KLHL32: variants seen among roughly 807,000 people sequenced by gnomAD.
The protein encoded by KLHL32 is kelch like family member 32, also known as kelch-like protein 32.
Under a neutral mutation model 64.8 loss-of-function variants are expected in KLHL32, and 35 were observed. The observed-to-expected ratio is 0.54, with a 90% CI of 0.41 to 0.72. The LOEUF (loss-of-function observed/expected upper bound fraction) is 0.72. KLHL32 is among the 30% of genes least tolerant of loss of function. The pLI is 0.00. For synonymous variants in KLHL32, 259 were observed against 281.0 expected (o/e 0.92, Z 0.78); for missense variants, 589 against 768.5 (o/e 0.77, Z 2.76).
chr6:96,973,730 C>CTTTTTTTTTTTTTTTTTTTTTT (rs558193523), intron 2 of KLHL32, among the ~76,000 whole-genome samples: 7 of 118,264 alleles, frequency 5.9e-5, no homozygotes, highest in Admixed American at 1.7e-4. Flanking sequence ...TACAGATTGC[C>CTTTTTTTTTTTTTTTTTTTTTT]TTTTTTTTTT....
chr6:96,909,204 G>A, the KLHL32 span, among the ~76,000 whole-genome samples: 173 of 152,278 alleles, frequency 1.1e-3, no homozygotes, highest in African/African-American at 3.9e-3. Context: ...GGTAGGGTTA[G>A]AGAATTCGGC....
chr6:96,985,836 G>A (rs1776973982), intron 3 of KLHL32, among the ~76,000 whole-genome samples: 1 of 152,056 alleles, frequency 6.6e-6, no homozygotes, highest in South Asian at 2.1e-4. Flanking sequence ...CTTTAGCTCA[G>A]AGTAGTTTGA....
chr6:96,921,033 C>A (rs2127981824), upstream of KLHL32, among the ~76,000 whole-genome samples: 1 of 152,262 alleles, frequency 6.6e-6, no homozygotes, highest in Admixed American at 6.5e-5. Context: ...TACCCATATT[C>A]TCTGTAGCAC....
chr6:97,119,315 CCT>C (rs1229532375), intron 7 of KLHL32, among the ~76,000 whole-genome samples: 1 of 152,164 alleles, frequency 6.6e-6, no homozygotes, highest in Non-Finnish European at 1.5e-5. Context: ...CTCAAAACCC[CCT>C]CTTCTCAGAC....
intron 3 of KLHL32, among the ~76,000 whole-genome samples, chr6:97,016,332 A>G (rs543041899): frequency 2.5e-4 from 38 of 152,358 alleles, no homozygotes; most frequent in African/African-American, 8.2e-4. Context: ...TGGCTGCCCA[A>G]GGCTATGGGA....
At chr6:96,992,997 C>A (rs1407608885) in intron 3 of KLHL32, among the ~76,000 whole-genome samples, 1 of 152,164 alleles carries the variant, frequency 6.6e-6, no homozygotes, top group Admixed American at 6.5e-5. Flanking sequence ...CTGACTTGTG[C>A]ACTGATTGTT....
chr6:96,930,561 C>G (rs73492844), intron 1 of KLHL32, among the ~76,000 whole-genome samples: 171 of 152,198 alleles, frequency 1.1e-3, no homozygotes, highest in African/African-American at 4.0e-3. Flanking sequence ...CCTCTGCCTC[C>G]CCTTTCCCCA....
intron 5 of KLHL32, among the ~76,000 whole-genome samples, chr6:97,075,728 A>G (rs1184098380): frequency 6.6e-6 from 1 of 152,168 alleles, no homozygotes; most frequent in Non-Finnish European, 1.5e-5. Context: ...CAGGTTAGGT[A>G]GTCACATAAT....
chr6:97,081,398 G>A (rs972346180), intron 5 of KLHL32, among the ~76,000 whole-genome samples: 3 of 152,134 alleles, frequency 2.0e-5, no homozygotes, highest in African/African-American at 7.2e-5. Context: ...TATGGGCTCT[G>A]GATTGGTTAG....
intron 5 of KLHL32, among the ~76,000 whole-genome samples, chr6:97,084,750 T>C (rs571256869): frequency 2.0e-5 from 3 of 152,310 alleles, no homozygotes; most frequent in Admixed American, 6.5e-5. Context: ...CCTTACGTTA[T>C]CTTTAGTAGA....
At chr6:96,899,565 T>G in the KLHL32 span, among the ~76,000 whole-genome samples, 5 of 152,218 alleles carry the variant, frequency 3.3e-5, no homozygotes, top group African/African-American at 1.2e-4. Context: ...AGAGCTTGGA[T>G]TCAACATTGA....
intron 4 of KLHL32, among the ~76,000 whole-genome samples, chr6:97,055,038 A>G (rs1582864910): frequency 6.6e-6 from 1 of 152,240 alleles, no homozygotes; most frequent in South Asian, 2.1e-4. Flanking sequence ...GCTGGTTGGC[A>G]CTGGAGAAAG....
intron 3 of KLHL32, among the ~76,000 whole-genome samples, chr6:96,983,977 G>A (rs1776682688): frequency 6.6e-6 from 1 of 152,124 alleles, no homozygotes; most frequent in African/African-American, 2.4e-5. Flanking sequence ...ATGTTAGGGT[G>A]TCAATTTTAG....
intron 6 of KLHL32, among the ~76,000 whole-genome samples, chr6:97,113,243 G>A (rs920622966): frequency 6.6e-6 from 1 of 152,126 alleles, no homozygotes; most frequent in African/African-American, 2.4e-5. Flanking sequence ...GTGGGAGGGG[G>A]AGTCTTTTTT....
At chr6:96,992,282 T>C (rs1777969796) in intron 3 of KLHL32, among the ~76,000 whole-genome samples, 1 of 152,236 alleles carries the variant, frequency 6.6e-6, no homozygotes, top group Non-Finnish European at 1.5e-5. Flanking sequence ...CCCCAGGGAC[T>C]CTCACTGACT....
chr6:97,032,346 A>G (rs1783680560), intron 3 of KLHL32, among the ~76,000 whole-genome samples: 1 of 152,178 alleles, frequency 6.6e-6, no homozygotes, highest in Non-Finnish European at 1.5e-5. Context: ...ATGATTACCA[A>G]TATGGTGTTC....
intron 5 of KLHL32, among the ~76,000 whole-genome samples, chr6:97,070,451 A>G (rs1350798099): frequency 6.6e-6 from 1 of 152,136 alleles, no homozygotes; most frequent in Non-Finnish European, 1.5e-5. Context: ...TAGGGTCCCA[A>G]TTAATTTTTT....
intron 10 of KLHL32, among the ~76,000 whole-genome samples, chr6:97,135,266 C>T (rs1799862201): frequency 1.3e-5 from 2 of 150,938 alleles, no homozygotes; most frequent in South Asian, 4.2e-4. Flanking sequence ...TTGGCTGGCA[C>T]ACTGGTCCTA....
At position 97,140,154 on chromosome 6, in the gene KLHL32, TGAAA is replaced by T. The variant is rs891681234; in HGVS notation, c.*875_*878del. The T allele has an allele frequency of 1.4e-4, 22 of 152,234 alleles. No homozygotes were observed. Among genetic ancestry groups the T allele is most frequent in the African/African-American group, 5.3e-4 (22 of 41,552 alleles). 9.4% of individuals were successfully genotyped at this position (152,234 alleles called of 1,614,324 possible). A position where few individuals can be genotyped will look rare whatever the true frequency, so the allele number is the denominator to read the frequency against. On this transcript the variant is annotated 3_prime_UTR_variant, in exon 11 of 11. Coordinates refer to ENST00000369261, the MANE Select transcript of KLHL32 (RefSeq NM_052904.4). ...GGAATAAATGATTCTAAAAAGCATG[TGAAA>T]GAGACACACAATGAGGAAATAGGGA...
Sources: gnomAD v4.1 joint callset for allele counts (sites outside exome capture counted in the v4.1 genomes callset) on GRCh38, gnomAD v4.1.1 for gene constraint, MANE v1.5 for transcripts, NCBI Gene and HGNC (gene_info 2026-07-23, HGNC 2026-07-21) for gene names.